Variants in AGBL1 observed in about 807,000 individuals in gnomAD.
AGBL1 encodes AGBL carboxypeptidase 1, also known as cytosolic carboxypeptidase 4.
AGBL1 carries 130 observed loss-of-function variants against 118.9 expected under a neutral mutation model. The ratio of observed to expected loss-of-function variants is 1.09; its 90% confidence interval spans 0.95 to 1.26. The LOEUF is 1.26. Ranked by LOEUF, AGBL1 falls within the 50% of genes most tolerant of loss-of-function variation. AGBL1 has a pLI of 0.00. For synonymous variants in AGBL1, 555 were observed against 478.9 expected (o/e 1.16, Z -2.08); for missense variants, 1,584 against 1,298.1 (o/e 1.22, Z -3.38).
chr15:86,871,358 T>C (rs1443238042), intron 22 of AGBL1, among the ~76,000 whole-genome samples: 1 of 152,166 alleles, frequency 6.6e-6, no homozygotes, highest in East Asian at 1.9e-4. Context: ...GAAGCCCAGA[T>C]ACCTTCACAA....
chr15:86,707,354 AG>A (rs1431018258), intron 22 of AGBL1, among the ~76,000 whole-genome samples: 1 of 152,154 alleles, frequency 6.6e-6, no homozygotes, highest in Non-Finnish European at 1.5e-5. Flanking sequence ...TATCAGTTGG[AG>A]GTTACTCTGT....
rs181183827 is a variant in AGBL1, at chr15:86,153,890, A to G, written c.263-540A>G. ...TTTCTTCCTAAATCCTTTCAAGTGC[A>G]TTTCTTTGAAAAGAGACATTTCCCT... is the stretch of plus-strand genomic sequence containing the variant. On this transcript the variant is annotated intron_variant, in intron 3 of 22. Transcript: ENST00000614907. Among the ~76,000 whole-genome samples the G allele has an allele frequency of 1.7e-4, 26 of 152,266 alleles. No individual in the cohort carries two copies. The East Asian group carries it at 5.0e-3, about 29-fold the overall frequency.
chr15:86,679,259 T>C (rs999683304), intron 22 of AGBL1, among the ~76,000 whole-genome samples: 4 of 152,130 alleles, frequency 2.6e-5, no homozygotes, highest in Admixed American at 1.3e-4. Context: ...TAAAGTATTG[T>C]AGGGATTCTG....
At chr15:86,935,472 T>A (rs1433454) in intron 23 of AGBL1, among the ~76,000 whole-genome samples, 6,821 of 152,272 alleles carry the variant, frequency 0.045, 499 homozygotes, top group African/African-American at 0.15. Flanking sequence ...GAGTGACATT[T>A]CCCCATGCCA....
intron 17 of AGBL1, among the ~76,000 whole-genome samples, chr15:86,306,614 C>T (rs1342134959): frequency 6.6e-6 from 1 of 152,134 alleles, no homozygotes; most frequent in Admixed American, 6.5e-5. Flanking sequence ...AAAAACAGTG[C>T]TGCAATGAAC....
rs1217709688 is a variant in AGBL1, at chr15:86,910,330, G to T, written c.*3036G>T. Reference sequence around the variant, plus strand: ...TGTGACTGGTTTAAAAGATGTGTTTGTATGTGAGGAAAGGAGGAGAGTGAC... The same window carrying T: ...TGTGACTGGTTTAAAAGATGTGTTTTTATGTGAGGAAAGGAGGAGAGTGAC... On this transcript the variant is annotated 3_prime_UTR_variant, in exon 23 of 23. Transcript: ENST00000614907. 6.6e-6 allele frequency: 1 copy of T among 152,196 alleles called. No homozygotes were observed. The highest frequency in any genetic ancestry group is 2.4e-5 in the African/African-American group (1 of 41,446). The allele number at this position is 152,196 out of a possible 1,614,324, so 9.4% of individuals were successfully genotyped here.
intron 23 of AGBL1, among the ~76,000 whole-genome samples, chr15:86,974,028 A>G (rs2081141781): frequency 7.3e-6 from 1 of 136,938 alleles, no homozygotes; most frequent in Admixed American, 7.5e-5. Context: ...TATATTAAAT[A>G]TAAACATATT....
intron 22 of AGBL1, among the ~76,000 whole-genome samples, chr15:86,795,243 G>C (rs1444349129): frequency 6.6e-6 from 1 of 152,182 alleles, no homozygotes; most frequent in Non-Finnish European, 1.5e-5. Flanking sequence ...CATTGTGAAA[G>C]GGAGACATGG....
At chr15:86,638,092 A>T (rs2085127500) in intron 21 of AGBL1, among the ~76,000 whole-genome samples, 1 of 152,130 alleles carries the variant, frequency 6.6e-6, no homozygotes, top group African/African-American at 2.4e-5. Flanking sequence ...ATCTTCTTTC[A>T]ACTTGGCACA....
chr15:86,097,327 T>A (rs1387830088), intron 1 of AGBL1, among the ~76,000 whole-genome samples: 1 of 152,118 alleles, frequency 6.6e-6, no homozygotes, highest in African/African-American at 2.4e-5. Context: ...ACATTTCAGG[T>A]TCTCTCTTCT....
intron 22 of AGBL1, among the ~76,000 whole-genome samples, chr15:86,739,614 C>A (rs1420452020): frequency 6.6e-6 from 1 of 151,846 alleles, no homozygotes; most frequent in Non-Finnish European, 1.5e-5. Context: ...CCACCTCTGC[C>A]AACTAACTTA....
intron 18 of AGBL1, among the ~76,000 whole-genome samples, chr15:86,465,013 C>T (rs1047847763): frequency 2.6e-5 from 4 of 151,982 alleles, no homozygotes; most frequent in Non-Finnish European, 4.4e-5. Flanking sequence ...AACTTGGTTC[C>T]ATTCTCCTTG....
chr15:86,963,588 T>C (rs72755674), intron 23 of AGBL1, among the ~76,000 whole-genome samples: 6,342 of 152,036 alleles, frequency 0.042, 163 homozygotes, highest in Middle Eastern at 0.071. Context: ...ATATTGGGTG[T>C]CAGAATATGA....
rs746134714 is a variant in AGBL1 at position 86,258,021 on chromosome 15, G to A, written c.959G>A (p.Gly320Glu). 2.9e-5 allele frequency: 46 copies of A among 1,613,504 alleles called. No individual in the cohort carries two copies. The highest frequency in any genetic ancestry group is 1.8e-4 in the Admixed American group (11 of 59,910). Residue 320 changes from glycine (G) to glutamate (E), a missense_variant, in exon 9 of 23, where the codon GGG (glycine) becomes GAG (glutamate). Physicochemically the swap from Gly to Glu is moderately conservative, Grantham distance 98. Coordinates refer to ENST00000614907, the MANE Select transcript of AGBL1 (RefSeq NM_001386094.1). ...GACAAAGACTCTGATACTGAAGATG[G>A]GAAAGTGGAAGTAGGTACACCAGCC... ...EVDKDSDTED[G>E]KVEDDDLETD...
At chr15:86,127,619 C>A (rs371885020) in intron 1 of AGBL1, among the ~76,000 whole-genome samples, 1 of 152,188 alleles carries the variant, frequency 6.6e-6, no homozygotes, top group Non-Finnish European at 1.5e-5. Flanking sequence ...TCTATTATGG[C>A]GGAGCCAAGC....
intron 22 of AGBL1, among the ~76,000 whole-genome samples, chr15:86,781,377 A>G (rs956550375): frequency 6.6e-6 from 1 of 152,176 alleles, no homozygotes; most frequent in Admixed American, 6.5e-5. Context: ...CTAATTGTTT[A>G]TAGGTTTCCC....
chr15:86,597,517 G>GAAGTAT (rs1052669536), intron 21 of AGBL1, among the ~76,000 whole-genome samples: 68 of 152,248 alleles, frequency 4.5e-4, no homozygotes, highest in African/African-American at 1.6e-3. Context: ...TGTACCACTA[G>GAAGTAT]AAGTATAAGA....
At position 86,974,558 on chromosome 15, in the gene AGBL1, ATATAAAT is replaced by A. The variant is rs1419833231; in HGVS notation, c.3222-13424_3222-13418del. Among the ~76,000 whole-genome samples the A allele has an allele frequency of 1.0e-4, 13 of 127,766 alleles. 1 individual carries two copies. The highest frequency in any genetic ancestry group is 2.0e-4 in the Non-Finnish European group (12 of 59,042). The allele number at this position is 127,766 out of a possible 152,430, so 83.8% of individuals were successfully genotyped here. A position where few individuals can be genotyped will look rare whatever the true frequency, so the allele number is the denominator to read the frequency against. ...TATATAAAAATTATATAATTATATA[ATATAAAT>A]TATATATATTAAATATATAAAAATT... On this transcript the variant is annotated intron_variant, in intron 23 of 24. Transcript: ENST00000441037.
chr15:86,322,536 G>A (rs1257769227), intron 17 of AGBL1, among the ~76,000 whole-genome samples: 1 of 152,022 alleles, frequency 6.6e-6, no homozygotes, highest in African/African-American at 2.4e-5. Flanking sequence ...GTCTTTGGAG[G>A]TTTATTTTTA....
Sources: gnomAD v4.1 joint callset for allele counts (sites outside exome capture counted in the v4.1 genomes callset) on GRCh38, gnomAD v4.1.1 for gene constraint, MANE v1.5 for transcripts, NCBI Gene and HGNC (gene_info 2026-07-23, HGNC 2026-07-21) for gene names.